The following EPSTI1 variants were observed in gnomAD, a reference collection of about 807,000 sequenced individuals.
EPSTI1 encodes the protein epithelial-stromal interaction protein 1.
Under a neutral mutation model 49.9 loss-of-function variants are expected in EPSTI1, and 66 were observed. The observed-to-expected ratio is 1.32, with a 90% CI of 1.08 to 1.62. The LOEUF (loss-of-function observed/expected upper bound fraction) is 1.62. Among genes scored for constraint, EPSTI1 ranks in the 40% most tolerant of loss-of-function variants. EPSTI1 has a pLI of 0.00. For synonymous variants in EPSTI1, 137 were observed against 130.7 expected (o/e 1.05, Z -0.33); for missense variants, 394 against 365.5 (o/e 1.08, Z -0.64).
chr13:42,979,996 C>T (rs1448103782), intron 1 of EPSTI1, among the ~76,000 whole-genome samples: 1 of 152,032 alleles, frequency 6.6e-6, no homozygotes, highest in Admixed American at 6.6e-5. Context: ...TGAGCTCAGA[C>T]AATTTCCTTG....
chr13:42,985,556 C>A (rs1352887076), intron 1 of EPSTI1, among the ~76,000 whole-genome samples: 1 of 152,040 alleles, frequency 6.6e-6, no homozygotes, highest in African/African-American at 2.4e-5. Context: ...TATGAAAGGA[C>A]CGAAGGAAAG....
At chr13:42,914,158 T>C (rs2037764506) in intron 8 of EPSTI1, among the ~76,000 whole-genome samples, 1 of 152,184 alleles carries the variant, frequency 6.6e-6, no homozygotes, top group African/African-American at 2.4e-5. Flanking sequence ...ATACAATTAG[T>C]TACTACAGAT....
intron 6 of EPSTI1, among the ~76,000 whole-genome samples, chr13:42,933,504 C>T (rs1202369627): frequency 6.6e-6 from 1 of 152,084 alleles, no homozygotes; most frequent in Non-Finnish European, 1.5e-5. Flanking sequence ...CATTACTTCC[C>T]CCATCATTTG....
In EPSTI1 at chr13:42,980,467, C is replaced by G. The variant is rs376891092; in HGVS notation, c.189-9797G>C. Among the ~76,000 whole-genome samples, 15 of 152,292 alleles carry G rather than the reference C, an allele frequency of 9.8e-5. No individual in the cohort carries two copies. The East Asian group carries it at 2.1e-3, about 22-fold the overall frequency. On this transcript the variant is annotated intron_variant, in intron 1 of 10. Transcript: ENST00000313624. ...ATCATGGTGGAAGGCAAAGGAGGAGCAAAGGCACATCTTACATGGTGGCAG... is the reference window on the plus strand; with the variant it reads ...ATCATGGTGGAAGGCAAAGGAGGAGGAAAGGCACATCTTACATGGTGGCAG...
intron 1 of EPSTI1, among the ~76,000 whole-genome samples, chr13:42,971,421 C>A (rs549879243): frequency 7.0e-4 from 107 of 152,282 alleles, no homozygotes; most frequent in African/African-American, 2.3e-3. Flanking sequence ...CAAAATGATG[C>A]TACAGACCCA....
intron 9 of EPSTI1, among the ~76,000 whole-genome samples, chr13:42,895,638 C>A (rs1363978758): frequency 6.6e-6 from 1 of 152,174 alleles, no homozygotes; most frequent in Non-Finnish European, 1.5e-5. Context: ...AGCTTGCTAC[C>A]TGGTTGTTCA....
At chr13:42,931,068 G>A (rs1043831207) in intron 6 of EPSTI1, among the ~76,000 whole-genome samples, 5 of 152,100 alleles carry the variant, frequency 3.3e-5, no homozygotes, top group Admixed American at 6.5e-5. Flanking sequence ...AGGCTGAAGT[G>A]ATCCACATCA....
At chr13:42,961,124 C>T (rs528641831) in intron 5 of EPSTI1, among the ~76,000 whole-genome samples, 87 of 152,282 alleles carry the variant, frequency 5.7e-4, no homozygotes, top group Non-Finnish European at 8.2e-4. Context: ...AATCTTTACT[C>T]TCCCTAGCCC....
intron 6 of EPSTI1, 95 bp downstream of exon 6, chr13:42,953,853 T>C (rs2039178174): frequency 2.3e-5 from 20 of 886,490 alleles, no homozygotes; most frequent in African/African-American, 3.3e-5. Context: ...AATAATCCAA[T>C]ACCAGGTGTT....
chr13:42,959,679 G>A (rs545019204), intron 5 of EPSTI1, among the ~76,000 whole-genome samples: 4 of 152,322 alleles, frequency 2.6e-5, no homozygotes, highest in Admixed American at 2.6e-4. Flanking sequence ...TGCTTCAAAT[G>A]ACTTTCACAG....
At chr13:42,943,363 C>CT in intron 6 of EPSTI1, among the ~76,000 whole-genome samples, 1 of 152,334 alleles carries the variant, frequency 6.6e-6, no homozygotes, top group East Asian at 1.9e-4. Context: ...TCTTCCTCTG[C>CT]TGTCCTTGTT....
intron 1 of EPSTI1, among the ~76,000 whole-genome samples, chr13:42,988,656 G>C (rs944240321): frequency 1.3e-5 from 2 of 151,926 alleles, no homozygotes; most frequent in Admixed American, 1.3e-4. Context: ...GCTTGAACAC[G>C]GGAGGCAGAG....
intron 6 of EPSTI1, among the ~76,000 whole-genome samples, chr13:42,946,992 T>C (rs983155550): frequency 7.2e-5 from 11 of 152,126 alleles, no homozygotes; most frequent in Non-Finnish European, 1.5e-5. Flanking sequence ...GCCAAAAAGG[T>C]TGGGGACCAC....
chr13:42,954,080 G>A (rs922115897), intron 5 of EPSTI1, 59 bp from the exon 6 acceptor site: 55 of 1,472,126 alleles, frequency 3.7e-5, no homozygotes, highest in Non-Finnish European at 4.7e-5. Context: ...GAGTCATGAT[G>A]TTAAAGTTAC....
chr13:42,991,849 G>T, intron 1 of EPSTI1, 129 bp downstream of exon 1: 1 of 1,031,820 alleles, frequency 9.7e-7, no homozygotes, highest in Non-Finnish European at 1.4e-6. Flanking sequence ...AAGCAAATGA[G>T]CTTTCATTCA....
chr13:42,931,218 A>G (rs2038356568), intron 6 of EPSTI1, among the ~76,000 whole-genome samples: 1 of 63,112 alleles, frequency 1.6e-5, no homozygotes, highest in Non-Finnish European at 2.9e-5. Context: ...TTTTTTTTTG[A>G]GACGGAGTCT....
At position 42,890,974 on chromosome 13, in the gene EPSTI1, G is replaced by A. The variant is rs543405987; in HGVS notation, c.916-2472C>T. ...AAGTGAGTATTGTAATTTAGCAAAT[G>A]CTTTTTCTGTACTAATTGAGATGAT... On this transcript the variant is annotated intron_variant, in intron 10 of 10. Coordinates refer to ENST00000313624, the MANE Select transcript of EPSTI1 (RefSeq NM_033255.5). Among the ~76,000 whole-genome samples the A allele has an allele frequency of 1.1e-4, 16 of 152,214 alleles. No homozygotes were observed. In the East Asian group the frequency reaches 3.1e-3, roughly 29 times the overall value.
chr13:42,892,403 A>G (rs953451041), intron 10 of EPSTI1, among the ~76,000 whole-genome samples: 2 of 152,196 alleles, frequency 1.3e-5, no homozygotes, highest in African/African-American at 2.4e-5. Context: ...GAAGCAGGAT[A>G]ATGATGATAA....
At position 42,963,353 on chromosome 13, in the gene EPSTI1, A is replaced by C; in HGVS notation, c.406-15T>G. On this transcript the variant is annotated splice_polypyrimidine_tract_variant and intron_variant, in intron 4 of 10. Transcript: ENST00000313624. The stretch of plus-strand genomic sequence containing the variant: ...TCTCTTTTTAGCTAAATTGTATTGA[A>C]ATTACAGAGAACAAAAACAGTTACC... 1 of 1,587,226 alleles carries C rather than the reference A, an allele frequency of 6.3e-7. No individual in the cohort carries two copies. The highest frequency in any genetic ancestry group is 8.6e-7 in the Non-Finnish European group (1 of 1,163,004).
Sources: gnomAD v4.1 joint callset for allele counts (sites outside exome capture counted in the v4.1 genomes callset) on GRCh38, gnomAD v4.1.1 for gene constraint, MANE v1.5 for transcripts, NCBI Gene and HGNC (gene_info 2026-07-23, HGNC 2026-07-21) for gene names.